The following ZNF600 variants were observed in gnomAD, a reference collection of about 807,000 sequenced individuals.
The protein encoded by ZNF600 is zinc finger protein KR-ZNF1.
A neutral mutation model predicts 7.3 loss-of-function variants in ZNF600; 4 were observed. The observed-to-expected ratio is 0.55, with a 90% confidence interval of 0.27 to 1.25. The LOEUF is 1.25. Ranked by LOEUF, ZNF600 falls within the 50% of genes most tolerant of loss-of-function variation. The pLI, the probability that ZNF600 is intolerant of heterozygous loss-of-function variation, is 0.12. For synonymous variants in ZNF600, 290 were observed against 308.9 expected, an observed-to-expected ratio of 0.94 and a Z score of 0.64; for missense variants, 911 against 922.1, an observed-to-expected ratio of 0.99 and a Z score of 0.16.
the ZNF600 span, among the ~76,000 whole-genome samples, chr19:52,824,730 C>T: frequency 6.6e-6 from 1 of 152,074 alleles, no homozygotes; most frequent in East Asian, 1.9e-4. Flanking sequence ...AGTGTTCTTC[C>T]TCACTGAAGT....
At chr19:52,818,761 T>C in the ZNF600 span, among the ~76,000 whole-genome samples, 1 of 150,494 alleles carries the variant, frequency 6.6e-6, no homozygotes, top group East Asian at 2.0e-4. Context: ...CACACACCTG[T>C]AATCTTAGCT....
the ZNF600 span, chr19:52,798,808 G>A: frequency 5.0e-4 from 410 of 820,324 alleles, 5 homozygotes; most frequent in African/African-American, 6.5e-3. Context: ...GATTTGCAAT[G>A]GTTGTAGCAT....
At chr19:52,825,156 T>C in the ZNF600 span, among the ~76,000 whole-genome samples, 2 of 152,008 alleles carry the variant, frequency 1.3e-5, no homozygotes, top group African/African-American at 4.8e-5. Flanking sequence ...AAGCAATCAG[T>C]TTCTCAATAG....
the ZNF600 span, among the ~76,000 whole-genome samples, chr19:52,792,963 C>T: frequency 1.2e-3 from 188 of 151,952 alleles, 1 homozygote; most frequent in African/African-American, 4.4e-3. Flanking sequence ...GTCTCGATCT[C>T]CTGACCTCGT....
chr19:52,810,770 A>C, the ZNF600 span: 3,679 of 557,708 alleles, frequency 6.6e-3, 160 homozygotes, highest in African/African-American at 0.037. Context: ...AAAAAGAATA[A>C]AAAAAAACCC....
chr19:52,766,345 T>A lies in ZNF600; in HGVS notation c.1618A>T (p.Lys540Ter). Residue 540 changes from lysine to a stop codon, truncating the protein, a stop_gained, in exon 4 of 4, where the codon AAA becomes TAA. Transcript: ENST00000648973. LOFTEE classifies it low-confidence loss of function (END_TRUNC). ...AAAGCCTTGTCACAAACCTTACATT[T>A]GTATGGTTTCTCTCCGGTGTGAATT... 6.2e-7 allele frequency: 1 copy of A among 1,614,218 alleles called. No homozygotes were observed. Among genetic ancestry groups the A allele is most frequent in the Middle Eastern group, 1.6e-4 (1 of 6,062 alleles).
intron 3 of ZNF600, among the ~76,000 whole-genome samples, chr19:52,771,146 T>C (rs1177655272): frequency 4.6e-5 from 7 of 152,070 alleles, no homozygotes. Context: ...ACTACTGTTT[T>C]TATAAAAAGA....
chr19:52,828,895 C>CT, the ZNF600 span, among the ~76,000 whole-genome samples: 85 of 152,244 alleles, frequency 5.6e-4, no homozygotes, highest in Non-Finnish European at 7.8e-4. Flanking sequence ...GGGTCTCCCC[C>CT]TGTCACCCAG....
the ZNF600 span, chr19:52,798,972 C>T: frequency 1.0e-5 from 13 of 1,245,736 alleles, no homozygotes; most frequent in African/African-American, 1.5e-5. Flanking sequence ...GTATGGTGTG[C>T]CAGGTGTGAA....
the ZNF600 span, chr19:52,810,563 C>A: frequency 2.2e-5 from 35 of 1,593,226 alleles, no homozygotes; most frequent in African/African-American, 4.0e-5. Context: ...CACAACAGAC[C>A]GGGGTCTTCC....
chr19:52,800,331 C>A, the ZNF600 span: 3 of 1,613,496 alleles, frequency 1.9e-6, no homozygotes, highest in East Asian at 2.2e-5. Context: ...TGAATCACTC[C>A]GGAAAGCCTT....
the ZNF600 span, chr19:52,800,312 T>C: frequency 5.0e-6 from 8 of 1,613,948 alleles, no homozygotes; most frequent in Admixed American, 6.7e-5. Flanking sequence ...TCTGATGTTC[T>C]GTAAGGCATG....
exon 4 of ZNF600, chr19:52,766,948 C>T: frequency 6.2e-7 from 1 of 1,614,104 alleles, no homozygotes; most frequent in East Asian, 2.2e-5. Flanking sequence ...GGTTTTTCTC[C>T]AGTATGAATT....
At chr19:52,831,097 C>A in the ZNF600 span, among the ~76,000 whole-genome samples, 2 of 152,126 alleles carry the variant, frequency 1.3e-5, no homozygotes, top group Admixed American at 1.3e-4. Flanking sequence ...TAGTTTCAAG[C>A]ATATACTCAA....
the ZNF600 span, among the ~76,000 whole-genome samples, chr19:52,811,145 C>G: frequency 7.8e-3 from 1,180 of 150,784 alleles, 19 homozygotes; most frequent in African/African-American, 0.027. Flanking sequence ...CCGCCAGCCT[C>G]GGCCTCCCGA....
the ZNF600 span, among the ~76,000 whole-genome samples, chr19:52,804,521 C>T: frequency 6.6e-5 from 10 of 152,270 alleles, no homozygotes; most frequent in East Asian, 5.8e-4. Flanking sequence ...CAGGCGCACG[C>T]CACCATACAC....
the ZNF600 span, chr19:52,799,392 A>T: frequency 1.6e-6 from 1 of 618,106 alleles, no homozygotes; most frequent in South Asian, 2.0e-5. Context: ...ATGTGTTTCA[A>T]GGTTTGATTT....
chr19:52,833,609 G>A, the ZNF600 span, among the ~76,000 whole-genome samples: 1 of 152,076 alleles, frequency 6.6e-6, no homozygotes, highest in Non-Finnish European at 1.5e-5. Context: ...CATGTAACAT[G>A]AGTCTTTAGA....
At chr19:52,811,226 T>C in the ZNF600 span, among the ~76,000 whole-genome samples, 1 of 151,194 alleles carries the variant, frequency 6.6e-6, no homozygotes, top group Non-Finnish European at 1.5e-5. Context: ...TGCAGCGGCG[T>C]GATCTCGGCT....
Sources: allele counts gnomAD v4.1 joint callset (sites outside exome capture counted in the v4.1 genomes callset), GRCh38; gene constraint gnomAD v4.1.1; transcripts MANE v1.5; gene names NCBI Gene and HGNC (gene_info 2026-07-23, HGNC 2026-07-21).